MAPK13: variants seen among roughly 807,000 people sequenced by gnomAD.
The protein encoded by MAPK13 is MAP kinase 13.
In MAPK13, 39 loss-of-function variants were observed where a neutral mutation model predicts 53.5. The ratio of observed to expected loss-of-function variants is 0.73; its 90% CI spans 0.56 to 0.95. MAPK13 has a LOEUF of 0.95. MAPK13 is among the 40% of genes least tolerant of loss of function. The pLI is 0.00. For synonymous variants in MAPK13, 179 were observed against 190.9 expected, an observed-to-expected ratio of 0.94 and a Z score of 0.51; for missense variants, 460 against 471.8, an observed-to-expected ratio of 0.98 and a Z score of 0.23.
chr6:36,139,439 C>T lies in MAPK13; in HGVS notation c.*66C>T, dbSNP rs1766490184. Reference sequence around the variant, plus strand: ...AGGACCAGTATTTGTCACTACCAAACTCAGCCCTTCTTGGAATACAGCCTT... The same window carrying T: ...AGGACCAGTATTTGTCACTACCAAATTCAGCCCTTCTTGGAATACAGCCTT... On this transcript the variant is annotated 3_prime_UTR_variant, in exon 12 of 12. Coordinates refer to ENST00000211287, the MANE Select transcript of MAPK13 (RefSeq NM_002754.5). The T allele has an allele frequency of 7.5e-7, 1 of 1,327,910 alleles. No homozygotes were observed. Among genetic ancestry groups the T allele is most frequent in the Non-Finnish European group, 1.1e-6 (1 of 921,740 alleles). The allele number at this position is 1,327,910 out of a possible 1,614,324, so 82.3% of individuals were successfully genotyped here.
At chr6:36,134,699 A>ATT (rs987716419) in intron 3 of MAPK13, among the ~76,000 whole-genome samples, 7 of 143,754 alleles carry the variant, frequency 4.9e-5, no homozygotes, top group Non-Finnish European at 1.5e-5. Context: ...CACCTGGCTA[A>ATT]TTTTTTTTTT....
At chr6:36,131,546 G>A (rs547382363) in intron 2 of MAPK13, 146 bp downstream of exon 2, 40 of 804,700 alleles carry the variant, frequency 5.0e-5, no homozygotes, top group Non-Finnish European at 6.9e-5. Flanking sequence ...ATTGAAAGGA[G>A]GGGGTGCCGA....
chr6:36,135,777 G>C lies in MAPK13; in HGVS notation c.333G>C (p.Gln111His), dbSNP rs11554013. 9.9e-6 allele frequency: 16 copies of C among 1,613,814 alleles called. No individual in the cohort carries two copies. The highest frequency in any genetic ancestry group is 6.7e-5 in the Admixed American group (4 of 60,004). ...GCTACCTGGTGATGCCCTTCATGCA[G>C]ACGGATCTGCAGAAGATCATGGGGA... ...YDFYLVMPFM[Q>H]TDLQKIMGME... is the part of the protein sequence containing the mutation. The change falls in exon 4 of 12, where the codon CAG (glutamine) becomes CAC (histidine). Residue 111 changes from glutamine to histidine, a missense_variant. By Grantham distance (24) the Gln-to-His change is conservative. Transcript: ENST00000211287.
In MAPK13 at chr6:36,139,055, CG is replaced by C. The variant is rs1432805671; in HGVS notation, c.1018+1del. Reference sequence around the variant, plus strand: ...GAAACTCACAGTGGATGAATGGAAGCGTAAGAGCTGGGGCCTCGGGCTTCCT... The same window carrying C: ...GAAACTCACAGTGGATGAATGGAAGCTAAGAGCTGGGGCCTCGGGCTTCCT... On this transcript the variant is annotated splice_donor_variant, in intron 11 of 11. Transcript: ENST00000211287. LOFTEE classifies it high-confidence loss of function. 1 of 1,588,956 alleles carries C rather than the reference CG, an allele frequency of 6.3e-7. No homozygotes were observed.
rs1342273285 is a variant in MAPK13 at position 36,138,791 on chromosome 6, G to C, written c.841+11G>C. 2 of 1,614,024 alleles carry C rather than the reference G, an allele frequency of 1.2e-6. No individual in the cohort carries two copies. The highest frequency in any genetic ancestry group is 2.7e-5 in the African/African-American group (2 of 74,944). The stretch of plus-strand genomic sequence containing the variant: ...GGGCCAGCCCCCAGGGTGAGTCTCA[G>C]AGCCCGCTCCCCAGGGGCCTCTCAG... On this transcript the variant is annotated intron_variant, in intron 10 of 11. Transcript: ENST00000211287.
intron 2 of MAPK13, 91 bp downstream of exon 2, chr6:36,131,491 G>T: frequency 1.5e-6 from 2 of 1,302,016 alleles, no homozygotes; most frequent in Non-Finnish European, 2.1e-6. Flanking sequence ...GGAGAGCTCG[G>T]GACAGTCTCC....
Position 36,130,594 on chromosome 6 carries a change from C to T in MAPK13, c.12C>T (p.Ile4=). 6.4e-7 allele frequency: 1 copy of T among 1,569,772 alleles called. No individual in the cohort carries two copies. Among genetic ancestry groups the T allele is most frequent in the Non-Finnish European group, 8.6e-7 (1 of 1,158,202 alleles). The change falls in exon 1 of 12, where the codon ATC becomes ATT. Residue 4 remains isoleucine, a synonymous_variant. Coordinates refer to ENST00000211287, the MANE Select transcript of MAPK13 (RefSeq NM_002754.5). This position sits in a 1 kb window ranked among gnomAD's most constrained non-coding sequence, Gnocchi z 4.5. MSL[I]RKKGFYKQDV... The stretch of plus-strand genomic sequence containing the variant: ...ATCGGGTGCCCGGGATGAGCCTCAT[C>T]CGGAAAAAGGGCTTCTACAAGCAGG...
At position 36,136,041 on chromosome 6, in the gene MAPK13, T is replaced by C; in HGVS notation, c.440T>C (p.Val147Ala). Residue 147 changes from valine to alanine, a missense_variant, in exon 5 of 12, where the codon GTG becomes GCG. Val to Ala is a moderately conservative substitution (Grantham distance 64). Transcript: ENST00000211287. ...TAGTACATCCACTCTGCTGGGGTCG[T>C]GCACAGGGTGAGTGCTTTCTCTGCC... is the stretch of plus-strand genomic sequence containing the variant. Reference protein sequence around the residue: ...GLKYIHSAGVVHRDLKPGNLA... With the variant: ...GLKYIHSAGVAHRDLKPGNLA... 4 of 1,614,106 alleles carry C rather than the reference T, an allele frequency of 2.5e-6. No individual in the cohort carries two copies. Among genetic ancestry groups the C allele is most frequent in the Non-Finnish European group, 3.4e-6 (4 of 1,180,002 alleles).
At chr6:36,139,187 T>C in intron 11 of MAPK13, 107 bp from the exon 12 acceptor site, 1 of 1,420,112 alleles carries the variant, frequency 7.0e-7, no homozygotes, top group Non-Finnish European at 9.8e-7. Context: ...TCCTGGGTGC[T>C]TCTTTCTCCT....
At chr6:36,136,161 C>A in intron 5 of MAPK13, 113 bp downstream of exon 5, 1 of 1,302,252 alleles carries the variant, frequency 7.7e-7, no homozygotes, top group Non-Finnish European at 1.1e-6. Context: ...TGCCCAGGAG[C>A]ACAGAATGTG....
chr6:36,136,036 G>A lies in MAPK13; in HGVS notation c.435G>A (p.Gly145=), dbSNP rs747977099. The A allele has an allele frequency of 3.1e-6, 5 of 1,613,940 alleles. No homozygotes were observed. Among genetic ancestry groups the A allele is most frequent in the African/African-American group, 1.3e-5 (1 of 74,894 alleles). ...LKGLKYIHSA[G]VVHRDLKPGN... The stretch of plus-strand genomic sequence containing the variant: ...CCACATAGTACATCCACTCTGCTGG[G>A]GTCGTGCACAGGGTGAGTGCTTTCT... Residue 145 remains glycine (G), a synonymous_variant, in exon 5 of 12, where the codon GGG becomes GGA. Transcript: ENST00000211287.
In MAPK13 at chr6:36,142,685, AC is replaced by A. The variant is rs1396265988; in HGVS notation, c.*3314del. On this transcript the variant is annotated 3_prime_UTR_variant, in exon 12 of 12. Coordinates refer to ENST00000211287, the MANE Select transcript of MAPK13 (RefSeq NM_002754.5). The surrounding 1 kb of genome is among the most constrained non-coding windows in gnomAD (Gnocchi z 4.4). Reference sequence around the variant, plus strand: ...GCAGAAGTGGGCGGCCCTGGGCTGTACCTTTGAGCTGCTCTCCTGAAAATCT... The same window carrying A: ...GCAGAAGTGGGCGGCCCTGGGCTGTACTTTGAGCTGCTCTCCTGAAAATCT... The A allele has an allele frequency of 2.0e-5, 3 of 152,322 alleles. No homozygotes were observed. 9.4% of individuals were successfully genotyped at this position (152,322 alleles called of 1,614,324 possible).
rs145428391 is a variant in MAPK13 at position 36,140,778 on chromosome 6, T to TTTTG, written c.*1418_*1421dup. 1.3e-5 allele frequency: 2 copies of TTTTG among 152,276 alleles called. No homozygotes were observed. Among genetic ancestry groups the TTTTG allele is most frequent in the Non-Finnish European group, 1.5e-5 (1 of 68,048 alleles). 9.4% of individuals were successfully genotyped at this position (152,276 alleles called of 1,614,324 possible). A position where few individuals can be genotyped will look rare whatever the true frequency, so the allele number is the denominator to read the frequency against. ...TAAAACTGAGGCTCAGAAAGCTTTTTTTTGTTTGTTTGTTTGAGACAGGGT... is the reference window on the plus strand; with the variant it reads ...TAAAACTGAGGCTCAGAAAGCTTTTTTTTGTTTGTTTGTTTGTTTGAGACAGGGT... On this transcript the variant is annotated 3_prime_UTR_variant, in exon 12 of 12. Transcript: ENST00000211287.
In MAPK13 at chr6:36,136,757, C is replaced by T. The variant is rs1254909431; in HGVS notation, c.597C>T (p.His199=). The T allele has an allele frequency of 2.5e-6, 4 of 1,613,896 alleles. No homozygotes were observed. In the East Asian group the frequency reaches 8.9e-5, roughly 36 times the overall value. ...CCGAGGTGATCCTCAGCTGGATGCA[C>T]TACAACCAGACAGGTCAGTGGTCAA... The part of the protein sequence containing the change: ...RAPEVILSWM[H]YNQTVDIWSV... The change falls in exon 7 of 12, where the codon CAC becomes CAT. Residue 199 remains histidine, a synonymous_variant. Coordinates refer to ENST00000211287, the MANE Select transcript of MAPK13 (RefSeq NM_002754.5).
intron 3 of MAPK13, among the ~76,000 whole-genome samples, 198 bp downstream of exon 3, chr6:36,132,877 G>C (rs748759293): frequency 4.6e-5 from 7 of 152,232 alleles, no homozygotes; most frequent in Non-Finnish European, 1.0e-4. Flanking sequence ...GGAAGAGGCA[G>C]GAAGGACTTT....
rs1021453887 is a variant in MAPK13, at chr6:36,142,895, G to A, written c.*3522G>A. On this transcript the variant is annotated 3_prime_UTR_variant, in exon 12 of 12. Coordinates refer to ENST00000211287, the MANE Select transcript of MAPK13 (RefSeq NM_002754.5). This position sits in a 1 kb window ranked among gnomAD's most constrained non-coding sequence, Gnocchi z 4.4. ...TGGGGGGTGGAGGGGGTGGGGAGTAGAGGGAGTGGGGGTTCCACGGGTTTG... is the reference window on the plus strand; with the variant it reads ...TGGGGGGTGGAGGGGGTGGGGAGTAAAGGGAGTGGGGGTTCCACGGGTTTG... The A allele has an allele frequency of 6.6e-6, 1 of 152,186 alleles. No individual in the cohort carries two copies. Among genetic ancestry groups the A allele is most frequent in the African/African-American group, 2.4e-5 (1 of 41,412 alleles). The allele number at this position is 152,186 out of a possible 1,614,324, so 9.4% of individuals were successfully genotyped here.
At chr6:36,131,490 G>A (rs1409639329) in intron 2 of MAPK13, 90 bp downstream of exon 2, 18 of 1,308,494 alleles carry the variant, frequency 1.4e-5, no homozygotes, top group Non-Finnish European at 1.2e-5. Flanking sequence ...TGGAGAGCTC[G>A]GGACAGTCTC....
rs758524045 is a variant in MAPK13, at chr6:36,136,794, G to A, written c.610+24G>A. 2.5e-6 allele frequency: 4 copies of A among 1,613,094 alleles called. No homozygotes were observed. The South Asian group carries it at 3.3e-5, about 13-fold the overall frequency. ...AGGTCAGTGGTCAATGCCTGAGAGG[G>A]CGGTCCTGGGGCCATCTGGTCACTC... On this transcript the variant is annotated intron_variant, in intron 7 of 11. Coordinates refer to ENST00000211287, the MANE Select transcript of MAPK13 (RefSeq NM_002754.5).
In MAPK13 at chr6:36,138,693, G is replaced by A; in HGVS notation, c.763-9G>A. 6.2e-7 allele frequency: 1 copy of A among 1,613,974 alleles called. No homozygotes were observed. The highest frequency in any genetic ancestry group is 8.5e-7 in the Non-Finnish European group (1 of 1,179,860). ...GCCCTAAGGGGTTTGATGCTTTTCT[G>A]TCTTCCAGGCCAAATCCTACATCCA... On this transcript the variant is annotated splice_polypyrimidine_tract_variant and intron_variant, in intron 9 of 11. Transcript: ENST00000211287.
Sources: allele counts gnomAD v4.1 joint callset (sites outside exome capture counted in the v4.1 genomes callset), GRCh38; gene constraint gnomAD v4.1.1; non-coding constraint Gnocchi (gnomAD v3.1); transcripts MANE v1.5; gene names NCBI Gene and HGNC (gene_info 2026-07-23, HGNC 2026-07-21).